FBXL17: variants seen among roughly 807,000 people sequenced by gnomAD.
The protein encoded by FBXL17 is F-box and leucine rich repeat protein 17.
Under a neutral mutation model 66.2 loss-of-function variants are expected in FBXL17, and 22 were observed. That is an observed-to-expected ratio of 0.33 (90% confidence interval 0.24 to 0.47). FBXL17 has a LOEUF of 0.47. Among genes scored for constraint, FBXL17 ranks in the 20% least tolerant of loss-of-function variants. The probability of loss-of-function intolerance (pLI) is 1.00; values close to 1 mark genes in which losing one functional copy is unlikely to be tolerated. For synonymous variants in FBXL17, 474 were observed against 400.5 expected (o/e 1.18, Z -2.19); for missense variants, 878 against 948.2 (o/e 0.93, Z 0.97).
chr5:108,357,770 G>A (rs533305227), intron 3 of FBXL17, among the ~76,000 whole-genome samples: 6 of 151,612 alleles, frequency 4.0e-5, no homozygotes, highest in East Asian at 1.9e-4. Context: ...CGTGTACAAC[G>A]TGCAGGTTTG....
At chr5:108,244,214 T>C (rs1755989802) in intron 4 of FBXL17, among the ~76,000 whole-genome samples, 1 of 152,174 alleles carries the variant, frequency 6.6e-6, no homozygotes, top group Non-Finnish European at 1.5e-5. Flanking sequence ...CTGAATCCTT[T>C]TGCCCATTCT....
At chr5:108,185,201 T>C (rs1284936319) in intron 6 of FBXL17, among the ~76,000 whole-genome samples, 2 of 152,138 alleles carry the variant, frequency 1.3e-5, no homozygotes, top group Non-Finnish European at 2.9e-5. Context: ...GAGAAAAAAA[T>C]GTCATCCTTA....
At chr5:108,003,357 G>A (rs1753808556) in intron 7 of FBXL17, among the ~76,000 whole-genome samples, 1 of 152,138 alleles carries the variant, frequency 6.6e-6, no homozygotes, top group Non-Finnish European at 1.5e-5. Context: ...CAGAGTTCCT[G>A]GTGGAGCAAA....
At chr5:108,055,435 C>T (rs920325482) in intron 6 of FBXL17, among the ~76,000 whole-genome samples, 20 of 150,620 alleles carry the variant, frequency 1.3e-4, no homozygotes, top group African/African-American at 4.9e-4. Flanking sequence ...AGTGAAACTC[C>T]GTCTCTACTA....
intron 6 of FBXL17, among the ~76,000 whole-genome samples, chr5:108,041,642 T>C (rs537328126): frequency 6.6e-6 from 1 of 152,182 alleles, no homozygotes; most frequent in African/African-American, 2.4e-5. Flanking sequence ...GATCTCGAAC[T>C]CCTTAGCTCA....
intron 6 of FBXL17, among the ~76,000 whole-genome samples, chr5:108,091,742 T>G (rs1179054603): frequency 6.6e-6 from 1 of 152,234 alleles, no homozygotes; most frequent in Non-Finnish European, 1.5e-5. Context: ...GGAAATGAAC[T>G]GCTGCTTACA....
chr5:108,044,979 T>C (rs925499699), intron 6 of FBXL17, among the ~76,000 whole-genome samples: 4 of 152,186 alleles, frequency 2.6e-5, no homozygotes, highest in Non-Finnish European at 1.5e-5. Flanking sequence ...AGGTCGGTAG[T>C]AATATCTCGT....
intron 7 of FBXL17, among the ~76,000 whole-genome samples, chr5:107,961,195 C>CT (rs1239129640): frequency 1.3e-5 from 2 of 151,722 alleles, no homozygotes; most frequent in Non-Finnish European, 2.9e-5. Context: ...TTCTTTCTTT[C>CT]TTTTTTTCTT....
chr5:108,187,366 T>C (rs548398364), intron 5 of FBXL17, among the ~76,000 whole-genome samples: 15 of 152,298 alleles, frequency 9.8e-5, no homozygotes, highest in East Asian at 9.6e-4. Context: ...TGCTCTAATA[T>C]GTTACCTTAT....
intron 6 of FBXL17, among the ~76,000 whole-genome samples, chr5:108,041,078 T>C (rs1321867533): frequency 6.6e-6 from 1 of 152,204 alleles, no homozygotes; most frequent in East Asian, 1.9e-4. Context: ...CATGGGATTG[T>C]TGGGAATATT....
intron 6 of FBXL17, among the ~76,000 whole-genome samples, chr5:108,136,890 T>C (rs1339318526): frequency 6.6e-6 from 1 of 152,186 alleles, no homozygotes; most frequent in Non-Finnish European, 1.5e-5. Flanking sequence ...TGATGTTATT[T>C]TGAAACCAGA....
chr5:107,893,038 C>T (rs1749247825), intron 7 of FBXL17, among the ~76,000 whole-genome samples: 1 of 152,102 alleles, frequency 6.6e-6, no homozygotes, highest in South Asian at 2.1e-4. Context: ...TCTCTCAAGT[C>T]CAGCAATTAT....
intron 6 of FBXL17, among the ~76,000 whole-genome samples, chr5:108,145,198 A>G (rs1374777799): frequency 6.6e-6 from 1 of 152,230 alleles, no homozygotes; most frequent in Non-Finnish European, 1.5e-5. Context: ...AAAAAAGCAT[A>G]CATGAAGTTT....
chr5:108,043,657 A>T (rs1424271789), intron 6 of FBXL17, among the ~76,000 whole-genome samples: 2 of 152,194 alleles, frequency 1.3e-5, no homozygotes, highest in Admixed American at 6.5e-5. Context: ...AATTGAGTAA[A>T]TGTATTCCCC....
intron 1 of FBXL17, among the ~76,000 whole-genome samples, chr5:108,375,744 A>G (rs1749379929): frequency 6.6e-6 from 1 of 152,230 alleles, no homozygotes; most frequent in Non-Finnish European, 1.5e-5. Context: ...CAAAAATGAG[A>G]GGATGGGATA....
chr5:108,221,623 C>T (rs972630749), intron 5 of FBXL17, among the ~76,000 whole-genome samples: 1 of 152,112 alleles, frequency 6.6e-6, no homozygotes, highest in African/African-American at 2.4e-5. Context: ...ACTCTTAACA[C>T]TCTATATCTC....
At position 107,946,255 on chromosome 5, in the gene FBXL17, T is replaced by TTATATATA. The variant is rs55643516; in HGVS notation, c.1823-65084_1823-65077dup. On this transcript the variant is annotated intron_variant, in intron 7 of 8. Coordinates refer to ENST00000542267, the MANE Select transcript of FBXL17 (RefSeq NM_001163315.3). ...TATTATTACTTTTATCAATCTCATTTTATATATATATATATATATATATAT... is the reference window on the plus strand; with the variant it reads ...TATTATTACTTTTATCAATCTCATTTTATATATATATATATATATATATATATATATAT... 1.8e-3 allele frequency among the ~76,000 whole-genome samples: 71 copies of TTATATATA among 40,380 alleles called. 5 individuals are homozygous for TTATATATA. Among genetic ancestry groups the TTATATATA allele is most frequent in the African/African-American group, 2.3e-3 (20 of 8,686 alleles). The allele number at this position is 40,380 out of a possible 152,430, so 26.5% of individuals were successfully genotyped here. A position where few individuals can be genotyped will look rare whatever the true frequency, so the allele number is the denominator to read the frequency against.
chr5:108,214,606 G>A (rs946196607), intron 5 of FBXL17, among the ~76,000 whole-genome samples: 2 of 151,950 alleles, frequency 1.3e-5, no homozygotes, highest in African/African-American at 4.8e-5. Context: ...TCCTGACCTC[G>A]TGATCTGCCC....
At chr5:108,349,141 T>G (rs184144910) in intron 3 of FBXL17, among the ~76,000 whole-genome samples, 1 of 152,128 alleles carries the variant, frequency 6.6e-6, no homozygotes, top group African/African-American at 2.4e-5. Context: ...AAAAATATAA[T>G]GCTTAAAGGA....
Sources: allele counts gnomAD v4.1 joint callset (sites outside exome capture counted in the v4.1 genomes callset), GRCh38; gene constraint gnomAD v4.1.1; transcripts MANE v1.5; gene names NCBI Gene and HGNC (gene_info 2026-07-23, HGNC 2026-07-21).